The following THOP1 variants were observed in gnomAD, a reference collection of about 807,000 sequenced individuals.
THOP1 encodes thimet oligopeptidase.
Under a neutral mutation model 71.8 loss-of-function variants are expected in THOP1, and 49 were observed. That is an observed-to-expected ratio of 0.68 (90% CI 0.54 to 0.87). The LOEUF (loss-of-function observed/expected upper bound fraction) is 0.87. Ranked by LOEUF, THOP1 falls within the 40% of genes least tolerant of loss-of-function variation. The pLI is 0.00. For missense variants in THOP1, 843 were observed against 975.6 expected, an observed-to-expected ratio of 0.86 and a Z score of 1.81; for synonymous variants, 426 against 421.5, an observed-to-expected ratio of 1.01 and a Z score of -0.13.
intron 5 of THOP1, among the ~76,000 whole-genome samples, chr19:2,802,879 T>G (rs891663562): frequency 6.6e-6 from 1 of 152,242 alleles, no homozygotes; most frequent in African/African-American, 2.4e-5. Context: ...TCATTATCAT[T>G]TATCCCAGTG....
chr19:2,800,785 C>T (rs1303433972), intron 5 of THOP1, among the ~76,000 whole-genome samples: 1 of 152,136 alleles, frequency 6.6e-6, no homozygotes, highest in East Asian at 1.9e-4. Context: ...CGTTTCCCAG[C>T]CTGCCCCTCA....
intron 2 of THOP1, 56 bp downstream of exon 2, chr19:2,790,689 G>A (rs917439082): frequency 1.2e-5 from 17 of 1,436,740 alleles, no homozygotes; most frequent in East Asian, 2.5e-5. Context: ...AGGTGGCACC[G>A]CAGGCGGGAG....
At position 2,805,107 on chromosome 19, in the gene THOP1, C is replaced by T; in HGVS notation, c.681C>T (p.Leu227=). 1.2e-6 allele frequency: 2 copies of T among 1,612,870 alleles called. No homozygotes were observed. Among genetic ancestry groups the T allele is most frequent in the South Asian group, 1.1e-5 (1 of 91,000 alleles). Residue 227 remains leucine, a synonymous_variant, in exon 6 of 13, where the codon CTC becomes CTT. Transcript: ENST00000307741. This position sits in a 1 kb window ranked among gnomAD's most constrained non-coding sequence, Gnocchi z 6.6. ...TCAAGTACCCCCATTACTTCCCCCT[C>T]CTGAAGAAATGCCACGTGCCTGAGA... ...VTLKYPHYFP[L]LKKCHVPETR... is the part of the protein sequence containing the mutation.
intron 9 of THOP1, chr19:2,810,044 A>C: frequency 3.8e-6 from 2 of 528,420 alleles, no homozygotes; most frequent in Non-Finnish European, 3.4e-6. Context: ...CTCTGTGGCT[A>C]GAGGAGAAGC....
chr19:2,811,988 G>T, intron 12 of THOP1: 1 of 1,042,218 alleles, frequency 9.6e-7, no homozygotes, highest in Non-Finnish European at 1.3e-6. Flanking sequence ...TGCTGGTCTT[G>T]GTGCGGTGCT....
At position 2,785,641 on chromosome 19, in the gene THOP1, C is replaced by A. The variant is rs1311359679; in HGVS notation, c.-22C>A. The A allele has an allele frequency of 2.0e-6, 3 of 1,501,342 alleles. No homozygotes were observed. Among genetic ancestry groups the A allele is most frequent in the Non-Finnish European group, 2.7e-6 (3 of 1,125,154 alleles). 93.0% of individuals were successfully genotyped at this position (1,501,342 alleles called of 1,614,324 possible). Reference sequence around the variant, plus strand: ...TAGCAGGTGGAAGGAGGGAGGGAGCCGCAGGCGCAGACCCACCCGCCATGA... The same window carrying A: ...TAGCAGGTGGAAGGAGGGAGGGAGCAGCAGGCGCAGACCCACCCGCCATGA... On this transcript the variant is annotated 5_prime_UTR_variant, in exon 1 of 13. Coordinates refer to ENST00000307741, the MANE Select transcript of THOP1 (RefSeq NM_003249.5).
Position 2,807,738 on chromosome 19 carries a change from C to T in THOP1, c.1183C>T (p.Arg395Trp), listed in dbSNP as rs769242896. ...CGCCAGTGCCTGGCATGAGGACGTG[C>T]GGCTCTACACCGCGAGGGACGCGGC... ...EGASAWHEDV[R>W]LYTARDAASG... is the part of the protein sequence containing the mutation. The change falls in exon 8 of 13, where the codon CGG becomes TGG. Residue 395 changes from arginine to tryptophan, a missense_variant. Physicochemically the swap from Arg to Trp is moderately radical, Grantham distance 101. Transcript: ENST00000307741. 8.9e-6 allele frequency: 14 copies of T among 1,579,230 alleles called. No homozygotes were observed. The highest frequency in any genetic ancestry group is 5.3e-5 in the Admixed American group (3 of 56,970).
At chr19:2,799,598 A>C (rs538178653) in intron 4 of THOP1, 91 bp from the exon 5 acceptor site, 155 of 1,019,550 alleles carry the variant, frequency 1.5e-4, no homozygotes, top group Non-Finnish European at 2.2e-4. Flanking sequence ...GAAATCCCTC[A>C]GCCCTCGGCG....
At chr19:2,807,334 C>G in intron 7 of THOP1, 108 bp from the exon 8 acceptor site, 1 of 1,440,072 alleles carries the variant, frequency 6.9e-7, no homozygotes. Context: ...ACTGCGGGTC[C>G]TCCCTTCCAA....
chr19:2,811,845 G>A (rs1239996991), intron 12 of THOP1, 111 bp downstream of exon 12: 7 of 1,384,990 alleles, frequency 5.1e-6, no homozygotes, highest in African/African-American at 1.8e-5. Flanking sequence ...GGGACAGGGA[G>A]GGCGTCCTGA....
chr19:2,798,490 T>C (rs993914099), intron 4 of THOP1, among the ~76,000 whole-genome samples: 4 of 152,210 alleles, frequency 2.6e-5, no homozygotes, highest in African/African-American at 4.8e-5. Context: ...GTCCGGATGC[T>C]GGCGAGCAGA....
intron 3 of THOP1, among the ~76,000 whole-genome samples, chr19:2,795,820 C>G (rs562099346): frequency 6.6e-6 from 1 of 152,360 alleles, no homozygotes; most frequent in Admixed American, 6.5e-5. Flanking sequence ...TGGAGACCAC[C>G]AGCAATCTAA....
At chr19:2,786,350 A>G (rs1915741642) in intron 1 of THOP1, among the ~76,000 whole-genome samples, 1 of 152,152 alleles carries the variant, frequency 6.6e-6, no homozygotes. Flanking sequence ...GACTCAGTCA[A>G]TCCTCCCGCC....
chr19:2,791,062 T>A (rs1219818758), intron 2 of THOP1, among the ~76,000 whole-genome samples: 1 of 152,198 alleles, frequency 6.6e-6, no homozygotes, highest in Non-Finnish European at 1.5e-5. Flanking sequence ...TATTTGTTTC[T>A]CTCTGAATGA....
Position 2,790,462 on chromosome 19 carries a change from G to A in THOP1, c.58G>A (p.Val20Met). 1.9e-6 allele frequency: 3 copies of A among 1,598,938 alleles called. No homozygotes were observed. Among genetic ancestry groups the A allele is most frequent in the Non-Finnish European group, 2.6e-6 (3 of 1,172,360 alleles). The change falls in exon 2 of 13, where the codon GTG (valine) becomes ATG (methionine). Residue 20 changes from valine (V) to methionine (M), a missense_variant. Transcript: ENST00000307741. ...GGCGGACGCAGCATCTCCGTGCTCT[G>A]TGGTAAACGACCTGCGGTGGGACCT... ...DMADAASPCS[V>M]VNDLRWDLSA...
chr19:2,785,644 A>G lies in THOP1; in HGVS notation c.-19A>G. 3 of 1,497,916 alleles carry G rather than the reference A, an allele frequency of 2.0e-6. No homozygotes were observed. The highest frequency in any genetic ancestry group is 1.3e-5 in the South Asian group (1 of 77,336). 92.8% of individuals were successfully genotyped at this position (1,497,916 alleles called of 1,614,324 possible). On this transcript the variant is annotated 5_prime_UTR_variant, in exon 1 of 13. Transcript: ENST00000307741. ...CAGGTGGAAGGAGGGAGGGAGCCGC[A>G]GGCGCAGACCCACCCGCCATGAAGC... is the stretch of plus-strand genomic sequence containing the variant.
At chr19:2,796,498 CAG>C (rs1274732801) in intron 4 of THOP1, among the ~76,000 whole-genome samples, 1 of 142,632 alleles carries the variant, frequency 7.0e-6, no homozygotes, top group Non-Finnish European at 1.5e-5. Context: ...GTACTGAGCT[CAG>C]GGAGTGCTTG....
intron 1 of THOP1, among the ~76,000 whole-genome samples, chr19:2,789,503 C>T (rs1915828567): frequency 6.6e-6 from 1 of 152,246 alleles, no homozygotes; most frequent in Non-Finnish European, 1.5e-5. Flanking sequence ...GGCACGACCA[C>T]ACGCCAGGCT....
chr19:2,808,456 C>A lies in THOP1; in HGVS notation c.1455+12C>A. ...AGCTCTGCTCCCAGGTGGGTGCGGG[C>A]CCGGGCAGGGGCAGGGGCAGGGGCA... On this transcript the variant is annotated intron_variant, in intron 9 of 12. Transcript: ENST00000307741. The A allele has an allele frequency of 6.3e-7, 1 of 1,587,432 alleles. No homozygotes were observed.
Sources: gnomAD v4.1 joint callset for allele counts (sites outside exome capture counted in the v4.1 genomes callset) on GRCh38, gnomAD v4.1.1 for gene constraint, Gnocchi (gnomAD v3.1) non-coding constraint, MANE v1.5 for transcripts, NCBI Gene and HGNC (gene_info 2026-07-23, HGNC 2026-07-21) for gene names.